Variants in DLGAP2 observed in about 807,000 individuals in gnomAD.
DLGAP2 encodes DLG associated protein 2, also known as disks large-associated protein 2.
A neutral mutation model predicts 100.3 loss-of-function variants in DLGAP2; 26 were observed. That is an observed-to-expected ratio of 0.26 (90% CI 0.19 to 0.36). The LOEUF is 0.36. Among genes scored for constraint, DLGAP2 ranks in the 10% least tolerant of loss-of-function variants. The pLI is 1.00. For synonymous variants in DLGAP2, 886 were observed against 630.1 expected, an observed-to-expected ratio of 1.41 and a Z score of -6.08; for missense variants, 1,858 against 1,453.2, an observed-to-expected ratio of 1.28 and a Z score of -4.53.
chr8:1,660,468 A>C (rs1308462103), intron 8 of DLGAP2, among the ~76,000 whole-genome samples: 1 of 152,220 alleles, frequency 6.6e-6, no homozygotes, highest in African/African-American at 2.4e-5. Flanking sequence ...TTTAAAATAT[A>C]TTTTAAGTGC....
intron 5 of DLGAP2, among the ~76,000 whole-genome samples, chr8:1,559,851 C>T (rs1175700480): frequency 6.6e-6 from 1 of 152,186 alleles, no homozygotes; most frequent in Non-Finnish European, 1.5e-5. Context: ...TCTGCCCCAT[C>T]GCCTCTGCCT....
In DLGAP2 at chr8:1,242,802, G is replaced by A. The variant is rs962141826; in HGVS notation, c.74-16049G>A. Among the ~76,000 whole-genome samples the A allele has an allele frequency of 5.3e-5, 8 of 152,094 alleles. No individual in the cohort carries two copies. In the South Asian group the frequency reaches 1.5e-3, roughly 28 times the overall value. ...TGGATAGACGGACAGATAGATGGAT[G>A]GACGGATGGATGGACAGATGGACCG... On this transcript the variant is annotated intron_variant, in intron 2 of 14. Transcript: ENST00000637795.
At chr8:1,661,495 G>C (rs73672909) in intron 8 of DLGAP2, among the ~76,000 whole-genome samples, 15,547 of 152,232 alleles carry the variant, frequency 0.1, 944 homozygotes, top group Middle Eastern at 0.22. Flanking sequence ...AAGGACATGG[G>C]AGATCCATCT....
intron 2 of DLGAP2, among the ~76,000 whole-genome samples, chr8:1,076,035 C>G (rs553908279): frequency 6.6e-6 from 1 of 152,266 alleles, no homozygotes; most frequent in Admixed American, 6.5e-5. Flanking sequence ...GTGTGTCTCT[C>G]AAAGAGAAAG....
chr8:1,688,974 G>C lies in DLGAP2; in HGVS notation c.2705-2561G>C, dbSNP rs148257294. On this transcript the variant is annotated intron_variant, in intron 12 of 14. Coordinates refer to ENST00000637795, the MANE Select transcript of DLGAP2 (RefSeq NM_001346810.2). The stretch of plus-strand genomic sequence containing the variant: ...TGAAATGCGGTTCTTTTTCCCGAAA[G>C]TCGGGCTAAGGAGGAGACACTGCAG... 1.3e-5 allele frequency among the ~76,000 whole-genome samples: 2 copies of C among 152,312 alleles called. 1 individual carries two copies. Among genetic ancestry groups the C allele is most frequent in the African/African-American group, 4.8e-5 (2 of 41,578 alleles).
In DLGAP2 at chr8:1,315,466, C is replaced by G. The variant is rs552683198; in HGVS notation, c.106+56583C>G. Among the ~76,000 whole-genome samples the G allele has an allele frequency of 1.8e-4, 26 of 143,878 alleles. 1 individual carries two copies. Among genetic ancestry groups the G allele is most frequent in the Non-Finnish European group, 2.9e-4 (19 of 66,384 alleles). 94.4% of individuals were successfully genotyped at this position (143,878 alleles called of 152,430 possible). ...AGCGTCTCTCCAACAGTGGTCTACA[C>G]TCGAGAAACTCGGCAGCTTTTAAAA... On this transcript the variant is annotated intron_variant, in intron 3 of 14. Transcript: ENST00000637795.
At chr8:878,457 T>G (rs1330103520) in intron 1 of DLGAP2, among the ~76,000 whole-genome samples, 7 of 152,150 alleles carry the variant, frequency 4.6e-5, no homozygotes, top group Non-Finnish European at 8.8e-5. Context: ...GTAGAGGTTG[T>G]GGGGACTGCA....
chr8:1,467,832 C>T (rs1165471585), intron 3 of DLGAP2, among the ~76,000 whole-genome samples: 4 of 152,154 alleles, frequency 2.6e-5, no homozygotes, highest in Non-Finnish European at 4.4e-5. Context: ...GCAGGGGTGG[C>T]GCCAGGGTGA....
chr8:981,580 G>A (rs7003378), intron 2 of DLGAP2, among the ~76,000 whole-genome samples: 50,899 of 151,952 alleles, frequency 0.33, 8,909 homozygotes, highest in Admixed American at 0.41. Flanking sequence ...CATCCTCTCC[G>A]ATATGGTATT....
intron 3 of DLGAP2, among the ~76,000 whole-genome samples, chr8:1,392,462 T>A (rs531724475): frequency 2.0e-5 from 3 of 152,234 alleles, no homozygotes; most frequent in Non-Finnish European, 2.9e-5. Flanking sequence ...TTCCGCTGAC[T>A]TGGACGCCGC....
intron 5 of DLGAP2, 59 bp from the exon 6 acceptor site, chr8:1,565,624 C>A: frequency 1.4e-6 from 2 of 1,385,056 alleles, no homozygotes; most frequent in East Asian, 2.5e-5. Flanking sequence ...CAAAAAGGAG[C>A]TGATGCTGCC....
At chr8:1,616,809 G>A (rs74858357) in intron 6 of DLGAP2, among the ~76,000 whole-genome samples, 1 of 142,954 alleles carries the variant, frequency 7.0e-6, no homozygotes, top group Admixed American at 7.1e-5. Flanking sequence ...GTCATGTGGG[G>A]TTTGGTGTAC....
At chr8:1,193,870 C>T (rs1032030812) in intron 2 of DLGAP2, among the ~76,000 whole-genome samples, 12 of 152,106 alleles carry the variant, frequency 7.9e-5, no homozygotes, top group Non-Finnish European at 1.5e-4. Flanking sequence ...CTAGAGCCTC[C>T]GCACCGCGCC....
intron 14 of DLGAP2, 31 bp downstream of exon 14, chr8:1,697,330 G>A (rs1799426560): frequency 1.3e-6 from 2 of 1,559,902 alleles, no homozygotes; most frequent in Admixed American, 1.8e-5. Flanking sequence ...CCGGCTCCCA[G>A]CAAACCCCCT....
At chr8:1,488,302 G>A (rs575926812) in intron 3 of DLGAP2, among the ~76,000 whole-genome samples, 17 of 152,272 alleles carry the variant, frequency 1.1e-4, no homozygotes, top group African/African-American at 4.1e-4. Flanking sequence ...GCAGGAGGAC[G>A]CAGCGGGGTG....
chr8:1,156,644 A>AGCGCCCCAGCTCG (rs1341339938), intron 2 of DLGAP2, among the ~76,000 whole-genome samples: 1 of 151,240 alleles, frequency 6.6e-6, no homozygotes, highest in Non-Finnish European at 1.5e-5. Context: ...GCCCCGGCTC[A>AGCGCCCCAGCTCG]GCGCCCCAGC....
chr8:1,325,977 G>C (rs903903492), intron 3 of DLGAP2, among the ~76,000 whole-genome samples: 1 of 152,156 alleles, frequency 6.6e-6, no homozygotes, highest in Non-Finnish European at 1.5e-5. Context: ...GGGAATGTGA[G>C]TTTCTGCCTC....
chr8:774,724 C>T (rs1232756521), intron 1 of DLGAP2, among the ~76,000 whole-genome samples: 2 of 151,242 alleles, frequency 1.3e-5, no homozygotes, highest in East Asian at 3.9e-4. Flanking sequence ...GTTTTGGTAG[C>T]AGTACCATGC....
intron 3 of DLGAP2, among the ~76,000 whole-genome samples, chr8:1,265,617 C>G (rs914592833): frequency 6.6e-6 from 1 of 152,200 alleles, no homozygotes; most frequent in Non-Finnish European, 1.5e-5. Flanking sequence ...ACTCCTAAGA[C>G]TGAAGCCAGA....
Sources: gnomAD v4.1 joint callset for allele counts (sites outside exome capture counted in the v4.1 genomes callset) on GRCh38, gnomAD v4.1.1 for gene constraint, MANE v1.5 for transcripts, NCBI Gene and HGNC (gene_info 2026-07-23, HGNC 2026-07-21) for gene names.